The following ZBTB7C variants were observed in gnomAD, a reference collection of about 807,000 sequenced individuals.
ZBTB7C encodes zinc finger and BTB domain containing 7C.
ZBTB7C carries 8 observed loss-of-function variants against 25.7 expected under a neutral mutation model. The observed-to-expected ratio is 0.31, with a 90% CI of 0.18 to 0.56. ZBTB7C has a LOEUF of 0.56. Ranked by LOEUF, ZBTB7C falls within the 20% of genes least tolerant of loss-of-function variation. The pLI is 0.91. For missense variants in ZBTB7C, 824 were observed against 855.2 expected (o/e 0.96, Z 0.46); for synonymous variants, 394 against 369.0 (o/e 1.07, Z -0.78).
chr18:48,293,903 C>A (rs1272611915), intron 2 of ZBTB7C, among the ~76,000 whole-genome samples: 1 of 152,242 alleles, frequency 6.6e-6, no homozygotes, highest in African/African-American at 2.4e-5. Flanking sequence ...CCAGCATGAG[C>A]CACGATGCCC....
intron 3 of ZBTB7C, among the ~76,000 whole-genome samples, chr18:48,071,523 C>A (rs778883736): frequency 3.3e-5 from 5 of 152,180 alleles, no homozygotes; most frequent in Admixed American, 2.6e-4. Flanking sequence ...GAAATTGGAA[C>A]CCTTGTGCCT....
chr18:48,125,216 C>A (rs1287367607), intron 3 of ZBTB7C, among the ~76,000 whole-genome samples: 3 of 152,202 alleles, frequency 2.0e-5, no homozygotes, highest in African/African-American at 7.2e-5. Context: ...TCCAAGTAGT[C>A]CACAGTGACT....
chr18:48,048,460 C>A (rs191660420), intron 3 of ZBTB7C, among the ~76,000 whole-genome samples: 1 of 152,190 alleles, frequency 6.6e-6, no homozygotes, highest in Admixed American at 6.5e-5. Flanking sequence ...GTGAGGTCCC[C>A]GCTCTCAGAT....
At chr18:48,303,272 G>A (rs954339259) in intron 2 of ZBTB7C, among the ~76,000 whole-genome samples, 4 of 152,242 alleles carry the variant, frequency 2.6e-5, no homozygotes, top group South Asian at 4.1e-4. Flanking sequence ...AACAAAAGGC[G>A]AAGAGCCAAA....
intron 2 of ZBTB7C, among the ~76,000 whole-genome samples, chr18:48,330,654 A>G (rs1313401234): frequency 2.1e-5 from 2 of 96,448 alleles, no homozygotes; most frequent in African/African-American, 3.2e-5. Context: ...TTCTGTATTT[A>G]AAAAAAAAAA....
chr18:48,110,309 A>G (rs1402648967), intron 3 of ZBTB7C, among the ~76,000 whole-genome samples: 2 of 146,898 alleles, frequency 1.4e-5, no homozygotes, highest in African/African-American at 5.2e-5. Flanking sequence ...TGCTGTCCAT[A>G]CTCTGGCCCT....
intron 1 of ZBTB7C, among the ~76,000 whole-genome samples, chr18:48,342,734 A>T (rs1166603172): frequency 6.6e-6 from 1 of 151,804 alleles, no homozygotes; most frequent in Non-Finnish European, 1.5e-5. Flanking sequence ...ACACAACCCA[A>T]CGGCTGGCAG....
At chr18:48,294,998 C>A (rs1010503025) in intron 2 of ZBTB7C, among the ~76,000 whole-genome samples, 13 of 151,996 alleles carry the variant, frequency 8.6e-5, no homozygotes, top group African/African-American at 3.1e-4. Flanking sequence ...CTGCTTGGGG[C>A]ATCCTGCTTC....
chr18:48,135,688 G>A (rs2040129609), intron 3 of ZBTB7C, among the ~76,000 whole-genome samples: 1 of 152,162 alleles, frequency 6.6e-6, no homozygotes, highest in South Asian at 2.1e-4. Flanking sequence ...GAAGGGGAAC[G>A]GAGGGAGTGG....
At chr18:48,136,763 C>T (rs2040179811) in intron 3 of ZBTB7C, among the ~76,000 whole-genome samples, 1 of 152,140 alleles carries the variant, frequency 6.6e-6, no homozygotes, top group African/African-American at 2.4e-5. Flanking sequence ...CCCCACGCCC[C>T]GCAGGAGCTC....
intron 2 of ZBTB7C, among the ~76,000 whole-genome samples, chr18:48,198,091 T>G (rs902365981): frequency 6.6e-6 from 1 of 152,190 alleles, no homozygotes; most frequent in Non-Finnish European, 1.5e-5. Flanking sequence ...ACGTTGTACT[T>G]TTTCCTTTCA....
At chr18:48,318,633 C>T (rs1481648356) in intron 2 of ZBTB7C, among the ~76,000 whole-genome samples, 1 of 152,212 alleles carries the variant, frequency 6.6e-6, no homozygotes, top group Non-Finnish European at 1.5e-5. Flanking sequence ...CACTTATTTG[C>T]CTGAACTTGG....
At chr18:48,076,967 A>C in intron 3 of ZBTB7C, 1 of 984,880 alleles carries the variant, frequency 1.0e-6, no homozygotes, top group South Asian at 4.7e-5. Context: ...AATGTCCTAC[A>C]TGTTTCTGAA....
intron 3 of ZBTB7C, among the ~76,000 whole-genome samples, chr18:48,174,699 G>A (rs2041611890): frequency 6.6e-6 from 1 of 152,224 alleles, no homozygotes; most frequent in South Asian, 2.1e-4. Context: ...TTATGCAGCT[G>A]TAAAAAAGAG....
intron 2 of ZBTB7C, among the ~76,000 whole-genome samples, chr18:48,192,808 A>C (rs1163319631): frequency 6.6e-6 from 1 of 152,240 alleles, no homozygotes; most frequent in Non-Finnish European, 1.5e-5. Context: ...TGTGTCATCG[A>C]TTATAACAAA....
chr18:48,159,726 T>C (rs887643015), intron 3 of ZBTB7C, among the ~76,000 whole-genome samples: 1 of 152,260 alleles, frequency 6.6e-6, no homozygotes, highest in East Asian at 1.9e-4. Context: ...GTAGCCTGAA[T>C]GACCTGAATT....
chr18:48,302,046 C>T (rs965978714), intron 2 of ZBTB7C, among the ~76,000 whole-genome samples: 4 of 152,180 alleles, frequency 2.6e-5, no homozygotes, highest in African/African-American at 4.8e-5. Context: ...CACACCCAGC[C>T]CCACGATGTC....
At chr18:48,263,074 A>G (rs868796129) in intron 2 of ZBTB7C, among the ~76,000 whole-genome samples, 2 of 152,278 alleles carry the variant, frequency 1.3e-5, no homozygotes, top group African/African-American at 2.4e-5. Context: ...CCCAGCTCCC[A>G]TGGGAACCAT....
chr18:48,196,996 G>A (rs182364961), intron 2 of ZBTB7C, among the ~76,000 whole-genome samples: 28 of 152,308 alleles, frequency 1.8e-4, no homozygotes, highest in Non-Finnish European at 3.7e-4. Context: ...GGTCATGGTT[G>A]GCTTAAGTGA....
Sources: allele counts gnomAD v4.1 joint callset (sites outside exome capture counted in the v4.1 genomes callset), GRCh38; gene constraint gnomAD v4.1.1; transcripts MANE v1.5; gene names NCBI Gene and HGNC (gene_info 2026-07-23, HGNC 2026-07-21).